DNAAF11: variants seen among roughly 807,000 people sequenced by gnomAD.
DNAAF11 encodes the protein dynein axonemal assembly factor 11.
Under a neutral mutation model 60.8 loss-of-function variants are expected in DNAAF11, and 45 were observed. That is an observed-to-expected ratio of 0.74 (90% CI 0.58 to 0.95). DNAAF11 has a LOEUF of 0.95. Among genes scored for constraint, DNAAF11 ranks in the 40% least tolerant of loss-of-function variants. The pLI, the probability that DNAAF11 is intolerant of heterozygous loss-of-function variation, is 0.00. For missense variants in DNAAF11, 546 were observed against 546.2 expected (o/e 1.00, Z 0.00); for synonymous variants, 191 against 183.5 (o/e 1.04, Z -0.33).
intron 1 of DNAAF11, among the ~76,000 whole-genome samples, chr8:132,671,176 C>A (rs990131471): frequency 1.3e-5 from 2 of 151,902 alleles, no homozygotes; most frequent in Admixed American, 1.3e-4. Flanking sequence ...CAGAGAATAT[C>A]AAATGGAATT....
chr8:132,669,598 A>G (rs147318420), intron 1 of DNAAF11, among the ~76,000 whole-genome samples: 13 of 152,332 alleles, frequency 8.5e-5, no homozygotes, highest in East Asian at 1.9e-4. Flanking sequence ...TGGGAGCACT[A>G]TGAAGAGGTT....
chr8:132,573,409 A>C (rs1005530209), intron 11 of DNAAF11, among the ~76,000 whole-genome samples: 1 of 152,228 alleles, frequency 6.6e-6, no homozygotes, highest in Non-Finnish European at 1.5e-5. Context: ...CTAATAGCAC[A>C]GTGTAGTGCT....
chr8:132,698,231 C>G, the DNAAF11 span, among the ~76,000 whole-genome samples: 1 of 152,300 alleles, frequency 6.6e-6, no homozygotes, highest in East Asian at 1.9e-4. Context: ...TCCCACACTT[C>G]GTAATAGACC....
intron 10 of DNAAF11, among the ~76,000 whole-genome samples, chr8:132,590,684 G>C (rs971173038): frequency 2.0e-5 from 3 of 152,180 alleles, no homozygotes; most frequent in African/African-American, 7.2e-5. Flanking sequence ...TGGGAATCTA[G>C]TTTTTAGCAA....
intron 10 of DNAAF11, among the ~76,000 whole-genome samples, chr8:132,604,677 A>G (rs779461789): frequency 7.2e-5 from 11 of 152,296 alleles, no homozygotes; most frequent in East Asian, 1.9e-4. Flanking sequence ...GATTATGTAC[A>G]TAGAACTTAG....
At chr8:132,696,135 A>G in the DNAAF11 span, among the ~76,000 whole-genome samples, 1 of 152,234 alleles carries the variant, frequency 6.6e-6, no homozygotes, top group Non-Finnish European at 1.5e-5. Context: ...ATACAAAGTT[A>G]TAAGCAGGAA....
chr8:132,669,725 C>G (rs1457226072), intron 1 of DNAAF11, among the ~76,000 whole-genome samples: 1 of 152,100 alleles, frequency 6.6e-6, no homozygotes, highest in Non-Finnish European at 1.5e-5. Context: ...AGGGTTTACC[C>G]TCTAGCCTAA....
intron 10 of DNAAF11, among the ~76,000 whole-genome samples, chr8:132,602,494 T>G (rs1817729788): frequency 6.6e-6 from 1 of 152,094 alleles, no homozygotes; most frequent in Non-Finnish European, 1.5e-5. Context: ...ACTTCCCAAA[T>G]AAACTACTCT....
chr8:132,593,656 G>T (rs1164433762), intron 10 of DNAAF11, among the ~76,000 whole-genome samples: 2 of 151,726 alleles, frequency 1.3e-5, no homozygotes, highest in Non-Finnish European at 2.9e-5. Context: ...CAGCCTTGAA[G>T]GTTTATTATA....
At chr8:132,646,900 CTT>C (rs752099040) in intron 3 of DNAAF11, among the ~76,000 whole-genome samples, 43 of 152,154 alleles carry the variant, frequency 2.8e-4, no homozygotes, top group Non-Finnish European at 5.1e-4. Flanking sequence ...TAATGGGAGA[CTT>C]TAACACCCCA....
At chr8:132,648,625 A>C (rs907610166) in intron 3 of DNAAF11, among the ~76,000 whole-genome samples, 6 of 152,178 alleles carry the variant, frequency 3.9e-5, no homozygotes, top group Admixed American at 2.6e-4. Context: ...TGTCTCAGCC[A>C]AAAATCTCCT....
At chr8:132,674,243 C>T (rs1825546153) in intron 1 of DNAAF11, among the ~76,000 whole-genome samples, 1 of 150,884 alleles carries the variant, frequency 6.6e-6, no homozygotes, top group East Asian at 2.0e-4. Flanking sequence ...AGAAAAAAAC[C>T]AACTAGGGTG....
At chr8:132,611,975 T>C (rs554422293) in intron 8 of DNAAF11, among the ~76,000 whole-genome samples, 4 of 152,196 alleles carry the variant, frequency 2.6e-5, no homozygotes, top group Non-Finnish European at 5.9e-5. Flanking sequence ...CTTGGCCAAA[T>C]AATTATGTTC....
chr8:132,597,703 G>T (rs1817167334), intron 10 of DNAAF11, among the ~76,000 whole-genome samples: 1 of 152,144 alleles, frequency 6.6e-6, no homozygotes, highest in Non-Finnish European at 1.5e-5. Flanking sequence ...ACAATTATCT[G>T]CAAATAATGT....
At chr8:132,631,090 T>C (rs1309170470) in intron 5 of DNAAF11, among the ~76,000 whole-genome samples, 1 of 152,220 alleles carries the variant, frequency 6.6e-6, no homozygotes, top group African/African-American at 2.4e-5. Context: ...TCTCAACAAA[T>C]GTTCAACATG....
intron 2 of DNAAF11, 28 bp from the exon 3 acceptor site, chr8:132,656,935 T>C (rs763776649): frequency 2.8e-6 from 2 of 702,596 alleles, no homozygotes; most frequent in Non-Finnish European, 2.4e-6. Flanking sequence ...GTAGTTAAGA[T>C]AATTAATCTT....
intron 10 of DNAAF11, among the ~76,000 whole-genome samples, chr8:132,584,382 C>T (rs1306488461): frequency 6.6e-6 from 1 of 151,958 alleles, no homozygotes; most frequent in Non-Finnish European, 1.5e-5. Flanking sequence ...TTATTGAGAC[C>T]CAGTACCTCC....
chr8:132,575,820 G>T (rs1300552517), intron 11 of DNAAF11, among the ~76,000 whole-genome samples: 2 of 152,148 alleles, frequency 1.3e-5, no homozygotes, highest in Non-Finnish European at 2.9e-5. Flanking sequence ...GGTGGGGATG[G>T]GGGAAGGAGC....
intron 11 of DNAAF11, among the ~76,000 whole-genome samples, chr8:132,575,599 G>A (rs1451472336): frequency 1.3e-5 from 2 of 152,134 alleles, no homozygotes; most frequent in African/African-American, 4.8e-5. Context: ...TGAAGCACAA[G>A]GAGACAACCA....
Sources: gnomAD v4.1 joint callset for allele counts (sites outside exome capture counted in the v4.1 genomes callset) on GRCh38, gnomAD v4.1.1 for gene constraint, MANE v1.5 for transcripts, NCBI Gene and HGNC (gene_info 2026-07-23, HGNC 2026-07-21) for gene names.